Variants in KIF4A observed in about 807,000 individuals in gnomAD.
KIF4A encodes kinesin family member 4A.
A neutral mutation model predicts 105.9 loss-of-function variants in KIF4A; 7 were observed. That is an observed-to-expected ratio of 0.07 (90% CI 0.04 to 0.12). The LOEUF (loss-of-function observed/expected upper bound fraction) is 0.12. KIF4A is among the 10% of genes least tolerant of loss of function. The pLI, the probability that KIF4A is intolerant of heterozygous loss-of-function variation, is 1.00. For missense variants in KIF4A, 558 were observed against 929.2 expected (o/e 0.60, Z 5.19); for synonymous variants, 281 against 331.3 (o/e 0.85, Z 1.65).
rs922686815 is a variant in KIF4A at position 70,303,404 on chromosome X, C to T, written c.778+1006C>T. 3.6e-5 allele frequency among the ~76,000 whole-genome samples: 4 copies of T among 112,057 alleles called. No individual in the cohort carries two copies. In the East Asian group the frequency reaches 8.4e-4, roughly 23 times the overall value. On this transcript the variant is annotated intron_variant, in intron 7 of 30. Transcript: ENST00000374403. ...ACTCTTATTAAAGCAGTTGGGTTTA[C>T]ACTTACTACCTCTTTACTCATATTG...
At chrX:70,373,847 T>TACAAACACACACACACACAC (rs2086163849) in intron 15 of KIF4A, among the ~76,000 whole-genome samples, 1 of 36,457 alleles carries the variant, frequency 2.7e-5, no homozygotes, top group Non-Finnish European at 6.5e-5. Context: ...CACACACACA[T>TACAAACACACACACACACAC]ACACACACAC....
chrX:70,361,232 T>A (rs1457882308), intron 15 of KIF4A, among the ~76,000 whole-genome samples: 1 of 113,487 alleles, frequency 8.8e-6, no homozygotes, highest in African/African-American at 3.2e-5. Flanking sequence ...GAATTCTCCT[T>A]AGTTAAATCC....
At chrX:70,349,774 C>A (rs1253998402) in intron 13 of KIF4A, among the ~76,000 whole-genome samples, 2 of 76,281 alleles carry the variant, frequency 2.6e-5, no homozygotes, top group Non-Finnish European at 4.9e-5. Flanking sequence ...CCAGACGGGG[C>A]GGCCGGGCAG....
At chrX:70,302,820 G>A (rs1270846769) in intron 7 of KIF4A, among the ~76,000 whole-genome samples, 4 of 111,749 alleles carry the variant, frequency 3.6e-5, no homozygotes, top group Non-Finnish European at 7.5e-5. Context: ...AAGGCTAGAA[G>A]AACCCTGTGA....
chrX:70,361,558 A>G, intron 15 of KIF4A: 1 of 167,016 alleles, frequency 6.0e-6, no homozygotes, highest in Non-Finnish European at 1.3e-5. Flanking sequence ...TGTGAATTTC[A>G]TTGTCTCGAA....
chrX:70,291,216 C>T (rs924882895), intron 3 of KIF4A, among the ~76,000 whole-genome samples: 3 of 111,032 alleles, frequency 2.7e-5, no homozygotes, highest in Admixed American at 9.5e-5. Context: ...TAGATGACTA[C>T]ATAAATAATT....
At chrX:70,333,600 G>A in intron 9 of KIF4A, 28 bp from the exon 10 acceptor site, 1 of 1,139,416 alleles carries the variant, frequency 8.8e-7, no homozygotes, top group Non-Finnish European at 1.2e-6. Context: ...TTGGTGACTA[G>A]CTGATTATTT....
At chrX:70,346,403 G>T (rs1032777335) in intron 13 of KIF4A, among the ~76,000 whole-genome samples, 21 of 111,622 alleles carry the variant, frequency 1.9e-4, no homozygotes, top group African/African-American at 6.2e-4. Flanking sequence ...ACCCACCATT[G>T]TTCATGGCCA....
rs943232374 is a variant in KIF4A, at chrX:70,353,999, C to A, written c.1674+192C>A. ...AGCATGTAATTTTGTTCCATTTAAT[C>A]TAATGCCTTACCTTATGCCACAGGT... On this transcript the variant is annotated intron_variant, in intron 15 of 30. Coordinates refer to ENST00000374403, the MANE Select transcript of KIF4A (RefSeq NM_012310.5). Among the ~76,000 whole-genome samples the A allele has an allele frequency of 6.2e-5, 7 of 112,519 alleles. No homozygotes were observed. In the Admixed American group the frequency reaches 6.6e-4, roughly 11 times the overall value.
At chrX:70,358,559 T>C (rs2086061481) in intron 15 of KIF4A, among the ~76,000 whole-genome samples, 1 of 112,106 alleles carries the variant, frequency 8.9e-6, no homozygotes, top group Admixed American at 9.5e-5. Flanking sequence ...TTTGTGTGGA[T>C]GCATAGCCCA....
At chrX:70,363,902 T>C (rs780770231) in intron 15 of KIF4A, among the ~76,000 whole-genome samples, 1 of 111,965 alleles carries the variant, frequency 8.9e-6, no homozygotes, top group South Asian at 3.8e-4. Flanking sequence ...CTCCAGTACC[T>C]ATTGTTTCCT....
At chrX:70,416,338 G>C (rs1032520530) in intron 28 of KIF4A, among the ~76,000 whole-genome samples, 62 of 99,518 alleles carry the variant, frequency 6.2e-4, no homozygotes, top group African/African-American at 2.2e-3. Flanking sequence ...GCCCTTTTCT[G>C]CACAGTCTTT....
At chrX:70,360,381 G>T (rs2086070168) in intron 15 of KIF4A, among the ~76,000 whole-genome samples, 1 of 112,276 alleles carries the variant, frequency 8.9e-6, no homozygotes, top group Admixed American at 9.4e-5. Flanking sequence ...AAGTGCTGGG[G>T]GGTGGGAGGA....
intron 15 of KIF4A, among the ~76,000 whole-genome samples, chrX:70,372,772 A>G (rs1348588841): frequency 8.8e-6 from 1 of 113,235 alleles, no homozygotes; most frequent in Admixed American, 9.3e-5. Context: ...AGTTCTGAAT[A>G]TAAGAATATT....
At chrX:70,318,052 A>G (rs181880925) in intron 7 of KIF4A, among the ~76,000 whole-genome samples, 10 of 109,027 alleles carry the variant, frequency 9.2e-5, no homozygotes, top group Admixed American at 5.8e-4. Context: ...TAATTTTTCT[A>G]TTTTTAGTAG....
chrX:70,330,470 A>G, intron 9 of KIF4A, 138 bp downstream of exon 9: 1 of 540,011 alleles, frequency 1.9e-6, no homozygotes, highest in Non-Finnish European at 3.0e-6. Flanking sequence ...ACCTCTTAAA[A>G]TAACTCCTAT....
chrX:70,389,410 T>G (rs2086229774), intron 20 of KIF4A, among the ~76,000 whole-genome samples: 1 of 111,918 alleles, frequency 8.9e-6, no homozygotes, highest in Admixed American at 9.5e-5. Flanking sequence ...CTACTAAAAA[T>G]ACAAAAAATT....
intron 20 of KIF4A, among the ~76,000 whole-genome samples, chrX:70,392,663 A>G (rs2086241738): frequency 9.1e-6 from 1 of 109,415 alleles, no homozygotes; most frequent in Non-Finnish European, 1.9e-5. Context: ...GATGTCATCT[A>G]TCTCATTCCT....
At chrX:70,365,486 A>G (rs1243797595) in intron 15 of KIF4A, among the ~76,000 whole-genome samples, 2 of 112,153 alleles carry the variant, frequency 1.8e-5, no homozygotes, top group Non-Finnish European at 3.8e-5. Flanking sequence ...CCTTTTCTGC[A>G]TCTACTGAGA....
Sources: allele counts gnomAD v4.1 joint callset (sites outside exome capture counted in the v4.1 genomes callset), GRCh38; gene constraint gnomAD v4.1.1; transcripts MANE v1.5; gene names NCBI Gene and HGNC (gene_info 2026-07-23, HGNC 2026-07-21).